The following SLCO1A2 variants were observed in gnomAD, a reference collection of about 807,000 sequenced individuals.
SLCO1A2 encodes solute carrier organic anion transporter family member 1A2.
A neutral mutation model predicts 69.0 loss-of-function variants in SLCO1A2; 67 were observed. The ratio of observed to expected loss-of-function variants is 0.97; its 90% CI spans 0.80 to 1.19. The LOEUF (loss-of-function observed/expected upper bound fraction) is 1.19, where lower values mean the gene tolerates loss of function less well. SLCO1A2 is among the 50% of genes most tolerant of loss of function. The pLI, the probability that SLCO1A2 is intolerant of heterozygous loss-of-function variation, is 0.00. For synonymous variants in SLCO1A2, 260 were observed against 265.9 expected, an observed-to-expected ratio of 0.98 and a Z score of 0.22; for missense variants, 787 against 793.7, an observed-to-expected ratio of 0.99 and a Z score of 0.10.
At chr12:21,370,790 G>C (rs1278086219) in intron 2 of SLCO1A2, among the ~76,000 whole-genome samples, 1 of 152,180 alleles carries the variant, frequency 6.6e-6, no homozygotes. Context: ...GCATTAACTA[G>C]ATGTTTGATG....
intron 1 of SLCO1A2, among the ~76,000 whole-genome samples, chr12:21,415,073 C>T (rs1047021842): frequency 6.6e-6 from 1 of 151,984 alleles, no homozygotes; most frequent in African/African-American, 2.4e-5. Context: ...ATTTACTTAT[C>T]AAACCGTATC....
chr12:21,294,214 T>C, intron 10 of SLCO1A2, 104 bp from the exon 11 acceptor site: 3 of 923,686 alleles, frequency 3.2e-6, no homozygotes, highest in Non-Finnish European at 4.7e-6. Context: ...CTCCCATGAA[T>C]AGAAAGAGAA....
chr12:21,413,804 G>A (rs1038619401), intron 1 of SLCO1A2, among the ~76,000 whole-genome samples: 4 of 152,062 alleles, frequency 2.6e-5, no homozygotes, highest in Non-Finnish European at 4.4e-5. Context: ...GATGAGTCAC[G>A]GTAACAGAGG....
At position 21,318,891 on chromosome 12, in the gene SLCO1A2, T is replaced by C; in HGVS notation, c.93A>G (p.Val31=). 1 of 1,604,802 alleles carries C rather than the reference T, an allele frequency of 6.2e-7. No homozygotes were observed. The highest frequency in any genetic ancestry group is 8.5e-7 in the Non-Finnish European group (1 of 1,177,088). ...MFLLAITCAF[V]SKTLSGSYMN... ...TATAAGATCCAGACAGTGTTTTGGA[T>C]ACAAATGCACATGTTATTGCCAACA... Residue 31 remains valine (V), a synonymous_variant, in exon 3 of 15, where the codon GTA becomes GTG. Transcript: ENST00000683939.
intron 1 of SLCO1A2, among the ~76,000 whole-genome samples, chr12:21,391,045 A>T (rs972825239): frequency 6.6e-6 from 1 of 152,312 alleles, no homozygotes; most frequent in Admixed American, 6.5e-5. Context: ...GTCTTACAAG[A>T]AACAACTATT....
In SLCO1A2 at chr12:21,366,625, A is replaced by C. The variant is rs867956766; in HGVS notation, c.-63+7774T>G. On this transcript the variant is annotated intron_variant, in intron 2 of 15. Coordinates refer to the SLCO1A2 transcript ENST00000307378. The stretch of plus-strand genomic sequence containing the variant: ...GGGATCTGAAGGAAATGAAGACCAC[A>C]ACAGAAGGAGAATTTTGAAAAGAAA... Among the ~76,000 whole-genome samples, 10 of 152,202 alleles carry C rather than the reference A, an allele frequency of 6.6e-5. 1 individual carries two copies. The South Asian group carries it at 1.4e-3, about 22-fold the overall frequency.
intron 12 of SLCO1A2, among the ~76,000 whole-genome samples, chr12:21,279,475 C>T (rs943168642): frequency 4.1e-4 from 62 of 152,270 alleles, no homozygotes; most frequent in African/African-American, 1.4e-3. Context: ...AAGTGACTAA[C>T]ATACAATGGA....
At chr12:21,406,711 G>A (rs1217101665) in intron 1 of SLCO1A2, among the ~76,000 whole-genome samples, 1 of 152,128 alleles carries the variant, frequency 6.6e-6, no homozygotes, top group East Asian at 1.9e-4. Context: ...AGATTTCACA[G>A]CTGGTAAGCA....
At chr12:21,326,683 G>A (rs1952262974) in intron 2 of SLCO1A2, among the ~76,000 whole-genome samples, 1 of 152,122 alleles carries the variant, frequency 6.6e-6, no homozygotes, top group African/African-American at 2.4e-5. Context: ...AGAGATCAGT[G>A]GAACTTTGAA....
rs1185297848 is a variant in SLCO1A2, at chr12:21,269,636, G to C, written c.1925C>G (p.Thr642Arg). 2 of 1,612,346 alleles carry C rather than the reference G, an allele frequency of 1.2e-6. No homozygotes were observed. The highest frequency in any genetic ancestry group is 3.3e-5 in the Admixed American group (2 of 59,836). ...CTCATTTTCCTTCCCTTTGACTTTT[G>C]TCTCTATAAGCTCTGTTCCTGAAGA... ...NASSGTELIE[T>R]KVKGKENECK... Residue 642 changes from threonine (T) to arginine (R), a missense_variant, in exon 15 of 15, where the codon ACA becomes AGA. Physicochemically the swap from Thr to Arg is moderately conservative, Grantham distance 71. Coordinates refer to ENST00000683939, the MANE Select transcript of SLCO1A2 (RefSeq NM_001386879.1).
intron 6 of SLCO1A2, among the ~76,000 whole-genome samples, chr12:21,301,551 G>T (rs1442744133): frequency 2.6e-5 from 4 of 152,172 alleles, no homozygotes; most frequent in Admixed American, 2.6e-4. Flanking sequence ...GGCAGTCCCA[G>T]CTGGGATCAT....
intron 14 of SLCO1A2, among the ~76,000 whole-genome samples, chr12:21,270,825 C>T: frequency 6.7e-6 from 1 of 149,036 alleles, no homozygotes; most frequent in African/African-American, 2.6e-5. Context: ...CTTTTTCATC[C>T]TTAATGATGT....
At chr12:21,402,682 C>G (rs1941744745) in intron 1 of SLCO1A2, among the ~76,000 whole-genome samples, 2 of 151,970 alleles carry the variant, frequency 1.3e-5, no homozygotes, top group African/African-American at 2.4e-5. Context: ...AGAGGGATGT[C>G]CATAGTTCAT....
Position 21,366,529 on chromosome 12 carries a change from G to C in SLCO1A2, c.-63+7870C>G, listed in dbSNP as rs148596996. Among the ~76,000 whole-genome samples, 1,194 of 151,906 alleles carry C rather than the reference G, an allele frequency of 7.9e-3. 14 individuals carry two copies. The highest frequency in any genetic ancestry group is 0.027 in the African/African-American group (1,119 of 41,404). ...CTGCACATTGTGCACATGTACCCTA[G>C]AACCTTAAGTAAAATAATAAAATAA... On this transcript the variant is annotated intron_variant, in intron 2 of 15. Coordinates refer to the SLCO1A2 transcript ENST00000307378.
intron 2 of SLCO1A2, among the ~76,000 whole-genome samples, chr12:21,362,919 G>A (rs983987219): frequency 1.3e-5 from 2 of 152,110 alleles, no homozygotes; most frequent in African/African-American, 2.4e-5. Context: ...CCTACAAAGA[G>A]ACTTAGACTC....
chr12:21,311,423 T>G (rs1011148023), intron 4 of SLCO1A2, among the ~76,000 whole-genome samples: 5 of 152,042 alleles, frequency 3.3e-5, no homozygotes, highest in Non-Finnish European at 5.9e-5. Context: ...GAATCACTAT[T>G]TATAACAGCA....
In SLCO1A2 at chr12:21,265,042, T is replaced by C. The variant is rs1941927745; in HGVS notation, c.*4506A>G. The C allele has an allele frequency of 6.6e-6, 1 of 152,430 alleles. No homozygotes were observed. The highest frequency in any genetic ancestry group is 1.5e-5 in the Non-Finnish European group (1 of 68,216). 9.4% of individuals were successfully genotyped at this position (152,430 alleles called of 1,614,324 possible). On this transcript the variant is annotated 3_prime_UTR_variant, in exon 15 of 15. Transcript: ENST00000683939. The stretch of plus-strand genomic sequence containing the variant: ...GGAGAGGAGGGATGGCAGAATTTTA[T>C]CTGGAGCCTTTCACATGGAAGGAAG...
rs1942034526 is a variant in SLCO1A2 at position 21,266,041 on chromosome 12, C to G, written c.*3507G>C. The G allele has an allele frequency of 6.6e-6, 1 of 152,042 alleles. No individual in the cohort carries two copies. Among genetic ancestry groups the G allele is most frequent in the Non-Finnish European group, 1.5e-5 (1 of 68,008 alleles). The allele number at this position is 152,042 out of a possible 1,614,324, so 9.4% of individuals were successfully genotyped here. A position where few individuals can be genotyped will look rare whatever the true frequency, so the allele number is the denominator to read the frequency against. On this transcript the variant is annotated 3_prime_UTR_variant, in exon 15 of 15. Transcript: ENST00000683939. ...ATGCCAGGAGAAGTGGGATAGTACC[C>G]TTTTTGGAAGGGCTACAAAGCCAAA...
At chr12:21,391,711 G>A (rs1941162484) in intron 1 of SLCO1A2, among the ~76,000 whole-genome samples, 2 of 150,666 alleles carry the variant, frequency 1.3e-5, no homozygotes, top group Non-Finnish European at 3.0e-5. Flanking sequence ...TCTCAAACAG[G>A]CTGCACTACT....
Sources: gnomAD v4.1 joint callset for allele counts (sites outside exome capture counted in the v4.1 genomes callset) on GRCh38, gnomAD v4.1.1 for gene constraint, MANE v1.5 for transcripts, NCBI Gene and HGNC (gene_info 2026-07-23, HGNC 2026-07-21) for gene names.